The following SCUBE1 variants were observed in gnomAD, a reference collection of about 807,000 sequenced individuals.
SCUBE1 encodes the protein signal peptide, CUB domain and EGF like domain containing 1.
SCUBE1 carries 59 observed loss-of-function variants against 124.4 expected under a neutral mutation model. The observed-to-expected ratio is 0.47, with a 90% CI of 0.38 to 0.59. The LOEUF (loss-of-function observed/expected upper bound fraction) is 0.59, where lower values mean the gene tolerates loss of function less well. Ranked by LOEUF, SCUBE1 falls within the 20% of genes least tolerant of loss-of-function variation. The probability of loss-of-function intolerance (pLI) is 0.00; values close to 1 mark genes in which losing one functional copy is unlikely to be tolerated. For synonymous variants in SCUBE1, 545 were observed against 550.9 expected (o/e 0.99, Z 0.15); for missense variants, 1,150 against 1,371.2 (o/e 0.84, Z 2.55).
At chr22:43,297,765 T>C (rs1305889485) in intron 3 of SCUBE1, among the ~76,000 whole-genome samples, 1 of 152,216 alleles carries the variant, frequency 6.6e-6, no homozygotes, top group East Asian at 1.9e-4. Flanking sequence ...TCACAGTTAT[T>C]TATAACAACT....
intron 3 of SCUBE1, among the ~76,000 whole-genome samples, chr22:43,310,832 G>T (rs961657332): frequency 2.6e-5 from 4 of 152,184 alleles, no homozygotes; most frequent in Admixed American, 2.0e-4. Flanking sequence ...AGGCTGGAGT[G>T]CAGCAGTGCA....
chr22:43,222,013 G>A (rs772287219), intron 12 of SCUBE1, among the ~76,000 whole-genome samples: 4 of 152,114 alleles, frequency 2.6e-5, no homozygotes, highest in East Asian at 1.9e-4. Flanking sequence ...GCAGTGAGCC[G>A]AGATCACGCC....
At chr22:43,212,735 G>A (rs1601798067) in intron 16 of SCUBE1, 143 bp from the exon 17 acceptor site, 1 of 763,418 alleles carries the variant, frequency 1.3e-6, no homozygotes, top group Admixed American at 2.9e-5. Context: ...GGACGGGGTG[G>A]GGAAAACGCA....
rs1229982326 is a variant in SCUBE1, at chr22:43,199,303, G to A, written c.*4694C>T. On this transcript the variant is annotated 3_prime_UTR_variant, in exon 22 of 22. Coordinates refer to ENST00000360835, the MANE Select transcript of SCUBE1 (RefSeq NM_173050.5). ...CATCGGTATGGCTTAAACAGGCCAG[G>A]GGCCTCCTGCCGTGGACAAGCCCAG... is the stretch of plus-strand genomic sequence containing the variant. 6.2e-6 allele frequency: 1 copy of A among 160,086 alleles called. No homozygotes were observed. The highest frequency in any genetic ancestry group is 2.4e-5 in the African/African-American group (1 of 40,994). The allele number at this position is 160,086 out of a possible 1,614,324, so 9.9% of individuals were successfully genotyped here. A position where few individuals can be genotyped will look rare whatever the true frequency, so the allele number is the denominator to read the frequency against.
chr22:43,231,941 G>T (rs1473331116), intron 7 of SCUBE1, 66 bp from the exon 8 acceptor site: 2 of 1,589,134 alleles, frequency 1.3e-6, no homozygotes, highest in Admixed American at 1.7e-5. Flanking sequence ...CCAGCGGGGG[G>T]ACGGCAGGCT....
At chr22:43,256,914 T>C (rs1268368965) in intron 6 of SCUBE1, among the ~76,000 whole-genome samples, 1 of 152,250 alleles carries the variant, frequency 6.6e-6, no homozygotes, top group African/African-American at 2.4e-5. Context: ...TTTAATTCTT[T>C]TTTAATTGGT....
At chr22:43,214,046 C>CGGGGGGGGGGGGGGGG in intron 16 of SCUBE1, 44 bp downstream of exon 16, 8 of 422,700 alleles carry the variant, frequency 1.9e-5, no homozygotes, top group Non-Finnish European at 3.3e-5. Context: ...GAGGAGCCCC[C>CGGGGGGGGGGGGGGGG]GCCCACCCCC....
At position 43,203,853 on chromosome 22, in the gene SCUBE1, G is replaced by A. The variant is rs570692266; in HGVS notation, c.*144C>T. 42 of 819,650 alleles carry A rather than the reference G, an allele frequency of 5.1e-5. No individual in the cohort carries two copies. Among genetic ancestry groups the A allele is most frequent in the Non-Finnish European group, 7.4e-5 (39 of 529,980 alleles). The allele number at this position is 819,650 out of a possible 1,614,324, so 50.8% of individuals were successfully genotyped here. On this transcript the variant is annotated 3_prime_UTR_variant, in exon 22 of 22. Coordinates refer to ENST00000360835, the MANE Select transcript of SCUBE1 (RefSeq NM_173050.5). ...GCGGGTCCGAAGGGTGCCTGGGCTC[G>A]GTCTCCATGGGCTGGTCGGCTTCCC...
At chr22:43,298,818 T>A (rs1158646262) in intron 3 of SCUBE1, among the ~76,000 whole-genome samples, 1 of 152,144 alleles carries the variant, frequency 6.6e-6, no homozygotes, top group Middle Eastern at 3.2e-3. Flanking sequence ...TTTGGGAGGC[T>A]GAGGCGGGCG....
intron 4 of SCUBE1, among the ~76,000 whole-genome samples, chr22:43,286,040 C>A (rs7292089): frequency 0.015 from 2,300 of 152,286 alleles, 69 homozygotes; most frequent in African/African-American, 0.054. Flanking sequence ...AGCAGAGCCT[C>A]GTTCCAAGAG....
At chr22:43,229,221 G>A (rs1922454414) in intron 8 of SCUBE1, 33 bp from the exon 9 acceptor site, 5 of 1,258,050 alleles carry the variant, frequency 4.0e-6, no homozygotes, top group Admixed American at 3.4e-5. Context: ...AGTTGGGGGA[G>A]GAGTTTGAGG....
At chr22:43,215,438 A>G (rs1921768504) in intron 15 of SCUBE1, among the ~76,000 whole-genome samples, 1 of 152,252 alleles carries the variant, frequency 6.6e-6, no homozygotes, top group African/African-American at 2.4e-5. Context: ...CAAATGGTAG[A>G]GGTGGCTGAC....
chr22:43,259,461 C>A (rs545969185), intron 5 of SCUBE1, among the ~76,000 whole-genome samples: 2 of 152,172 alleles, frequency 1.3e-5, no homozygotes, highest in African/African-American at 4.8e-5. Context: ...GAATGAATTA[C>A]GTTCTATTCG....
chr22:43,329,604 G>A (rs951261010), intron 2 of SCUBE1, among the ~76,000 whole-genome samples: 1 of 152,228 alleles, frequency 6.6e-6, no homozygotes, highest in African/African-American at 2.4e-5. Context: ...ACCCTGGAGG[G>A]AGTGGGGAGT....
Position 43,212,436 on chromosome 22 carries a change from C to T in SCUBE1, c.2210G>A (p.Cys737Tyr). The stretch of plus-strand genomic sequence containing the variant: ...GAGGGCATGCTCACCTTTAGCCTCG[C>T]AGTCCTGGAAGGAGGTGGTGCCTTC... ...KHEGTTSFQD[C>Y]EAKVHCSPGH... Residue 737 changes from cysteine to tyrosine, a missense_variant, in exon 17 of 22, where the codon TGC (cysteine) becomes TAC (tyrosine). This residue lies in a region of SCUBE1 where 757 missense variants were observed against 840.9 expected (regional missense o/e 0.90). Transcript: ENST00000360835. 6.4e-7 allele frequency: 1 copy of T among 1,551,420 alleles called. No individual in the cohort carries two copies. Among genetic ancestry groups the T allele is most frequent in the South Asian group, 1.2e-5 (1 of 84,052 alleles).
At chr22:43,248,336 G>A (rs1399308164) in intron 6 of SCUBE1, among the ~76,000 whole-genome samples, 1 of 152,204 alleles carries the variant, frequency 6.6e-6, no homozygotes, top group Non-Finnish European at 1.5e-5. Context: ...AGCCCCTCTA[G>A]GCTTCAGCCT....
chr22:43,306,441 C>T (rs912838582), intron 3 of SCUBE1, among the ~76,000 whole-genome samples: 1 of 152,112 alleles, frequency 6.6e-6, no homozygotes, highest in Non-Finnish European at 1.5e-5. Context: ...TGAGACAGAG[C>T]GGGGCTTCTT....
At chr22:43,219,525 G>A (rs1466766103) in intron 14 of SCUBE1, among the ~76,000 whole-genome samples, 1 of 149,536 alleles carries the variant, frequency 6.7e-6, no homozygotes, top group African/African-American at 2.5e-5. Context: ...CCAGGCTGGA[G>A]CACAGTGGCG....
At chr22:43,287,303 G>A (rs575739986) in intron 4 of SCUBE1, among the ~76,000 whole-genome samples, 2 of 152,312 alleles carry the variant, frequency 1.3e-5, no homozygotes, top group African/African-American at 4.8e-5. Context: ...TGCATCAGTC[G>A]CTACTCCTAG....
Sources: gnomAD v4.1 joint callset for allele counts (sites outside exome capture counted in the v4.1 genomes callset) on GRCh38, gnomAD v4.1.1 for gene constraint, gnomAD v4.1.1 regional missense constraint, MANE v1.5 for transcripts, NCBI Gene and HGNC (gene_info 2026-07-23, HGNC 2026-07-21) for gene names.